The following DGKD variants were observed in gnomAD, a reference collection of about 807,000 sequenced individuals.
DGKD encodes the protein DAG kinase delta.
DGKD carries 68 observed loss-of-function variants against 154.4 expected under a neutral mutation model. The observed-to-expected ratio is 0.44, with a 90% CI of 0.36 to 0.54. The LOEUF (loss-of-function observed/expected upper bound fraction) is 0.54, where lower values mean the gene tolerates loss of function less well. Among genes scored for constraint, DGKD ranks in the 20% least tolerant of loss-of-function variants. The pLI is 0.00. For missense variants in DGKD, 1,343 were observed against 1,593.6 expected (o/e 0.84, Z 2.68); for synonymous variants, 693 against 638.0 (o/e 1.09, Z -1.30).
chr2:233,460,832 C>A (rs945660238), intron 24 of DGKD, among the ~76,000 whole-genome samples: 1 of 152,038 alleles, frequency 6.6e-6, no homozygotes, highest in Admixed American at 6.5e-5. Context: ...GCGGAGGTTG[C>A]AGTGAGCCGA....
intron 3 of DGKD, among the ~76,000 whole-genome samples, chr2:233,393,686 T>G (rs1703796998): frequency 1.5e-5 from 2 of 137,040 alleles, no homozygotes; most frequent in South Asian, 4.8e-4. Context: ...TGTATTGGTT[T>G]TTTTTTTTTT....
At chr2:233,468,620 C>G in intron 29 of DGKD, 67 bp downstream of exon 29, 1 of 1,599,218 alleles carries the variant, frequency 6.3e-7, no homozygotes, top group Non-Finnish European at 8.5e-7. Flanking sequence ...CTCTTCCATC[C>G]TCTCCCCCGA....
At chr2:233,385,398 CT>C (rs1703119088) in intron 1 of DGKD, among the ~76,000 whole-genome samples, 1 of 152,126 alleles carries the variant, frequency 6.6e-6, no homozygotes, top group Non-Finnish European at 1.5e-5. Flanking sequence ...CGCGTGTTCA[CT>C]TTCCACCTGC....
intron 8 of DGKD, 57 bp downstream of exon 8, chr2:233,437,536 G>C: frequency 6.6e-7 from 1 of 1,511,676 alleles, no homozygotes; most frequent in South Asian, 1.1e-5. Flanking sequence ...CCTTCTCCAC[G>C]CACTTTCTCT....
intron 24 of DGKD, among the ~76,000 whole-genome samples, chr2:233,461,018 T>TAAAAAAA (rs750014036): frequency 7.3e-6 from 1 of 137,568 alleles, no homozygotes; most frequent in Admixed American, 7.2e-5. Flanking sequence ...AAGTTTACTT[T>TAAAAAAA]AAAAAAAAAA....
intron 1 of DGKD, among the ~76,000 whole-genome samples, chr2:233,368,131 T>C (rs1574984094): frequency 6.6e-6 from 1 of 152,284 alleles, no homozygotes; most frequent in South Asian, 2.1e-4. Flanking sequence ...GCAATTTTAT[T>C]ATAAGAGTTT....
intron 3 of DGKD, among the ~76,000 whole-genome samples, chr2:233,394,509 G>T (rs1336373987): frequency 6.6e-6 from 1 of 151,970 alleles, no homozygotes; most frequent in Non-Finnish European, 1.5e-5. Context: ...CTCCCAAAGT[G>T]CTGGGATTAA....
At chr2:233,397,022 G>A (rs1479409691) in intron 3 of DGKD, among the ~76,000 whole-genome samples, 1 of 65,068 alleles carries the variant, frequency 1.5e-5, no homozygotes, top group East Asian at 5.7e-4. Flanking sequence ...TGGCTGGGGG[G>A]GGGGGCGCCA....
At chr2:233,363,735 C>T (rs576121287) in intron 1 of DGKD, among the ~76,000 whole-genome samples, 57 of 152,284 alleles carry the variant, frequency 3.7e-4, no homozygotes, top group Admixed American at 2.8e-3. Context: ...TTTTACTGTA[C>T]TGTTTCTATG....
rs541718093 is a variant in DGKD at position 233,454,742 on chromosome 2, A to C, written c.2265-21A>C. 5.4e-6 allele frequency: 8 copies of C among 1,475,128 alleles called. No homozygotes were observed. In the South Asian group the frequency reaches 6.8e-5, roughly 13 times the overall value. The allele number at this position is 1,475,128 out of a possible 1,614,324, so 91.4% of individuals were successfully genotyped here. On this transcript the variant is annotated intron_variant, in intron 18 of 29. Transcript: ENST00000264057. ...CTGCTCAGCAGGGCTGTTGTAATTG[A>C]TTTAAAACTCACCTTTGCAGAGAGT...
chr2:233,395,308 C>T (rs535606553), intron 3 of DGKD, among the ~76,000 whole-genome samples: 1 of 152,242 alleles, frequency 6.6e-6, no homozygotes, highest in African/African-American at 2.4e-5. Flanking sequence ...GTAGCTGGGA[C>T]TCCAGGCACA....
At chr2:233,451,120 G>T in intron 17 of DGKD, 70 bp downstream of exon 17, 2 of 1,475,570 alleles carry the variant, frequency 1.4e-6, no homozygotes, top group South Asian at 2.5e-5. Flanking sequence ...AACTGAAAGA[G>T]ATGGGCTCGC....
chr2:233,463,783 G>A (rs2971856), intron 26 of DGKD: 88,161 of 254,592 alleles, frequency 0.35, 18,462 homozygotes, highest in African/African-American at 0.63. Flanking sequence ...GGTCACACGC[G>A]TGTCCTCACT....
intron 3 of DGKD, chr2:233,419,532 TC>T: frequency 1.3e-6 from 1 of 774,354 alleles, no homozygotes; most frequent in Non-Finnish European, 1.6e-6. Context: ...TGTAAGATGC[TC>T]CAGAGGGTTG....
chr2:233,435,205 C>A (rs2062648742), intron 5 of DGKD, among the ~76,000 whole-genome samples: 1 of 152,220 alleles, frequency 6.6e-6, no homozygotes, highest in Non-Finnish European at 1.5e-5. Flanking sequence ...CTGTGTCTCA[C>A]ACTCTGCAGC....
intron 3 of DGKD, among the ~76,000 whole-genome samples, chr2:233,432,218 C>T (rs1403834424): frequency 7.1e-5 from 7 of 98,314 alleles, no homozygotes; most frequent in East Asian, 2.6e-4. Flanking sequence ...GGTGAAACCT[C>T]GTCTCTATTA....
intron 1 of DGKD, among the ~76,000 whole-genome samples, chr2:233,384,834 A>C (rs1309733120): frequency 6.6e-6 from 1 of 152,078 alleles, no homozygotes; most frequent in Non-Finnish European, 1.5e-5. Flanking sequence ...CTCTGTCTGT[A>C]GCCCCAGGGA....
intron 1 of DGKD, among the ~76,000 whole-genome samples, chr2:233,375,902 C>T (rs1206672222): frequency 6.6e-6 from 1 of 152,194 alleles, no homozygotes. Flanking sequence ...AAGTATCCCT[C>T]TGATGGAGCA....
rs1159216056 is a variant in DGKD at position 233,459,145 on chromosome 2, G to A, written c.2695-612G>A. Among the ~76,000 whole-genome samples, 2 of 152,196 alleles carry A rather than the reference G, an allele frequency of 1.3e-5. No individual in the cohort carries two copies. The highest frequency in any genetic ancestry group is 4.8e-5 in the African/African-American group (2 of 41,460). ...CCCATGGCTTATTTCTGACAGCAGC[G>A]ATGGGCTGAGGGCAGTCTTTCTGTG... On this transcript the variant is annotated intron_variant, in intron 22 of 29. Coordinates refer to ENST00000264057, the MANE Select transcript of DGKD (RefSeq NM_152879.3). This position sits in a 1 kb window ranked among gnomAD's most constrained non-coding sequence, Gnocchi z 5.7.
Sources: allele counts gnomAD v4.1 joint callset (sites outside exome capture counted in the v4.1 genomes callset), GRCh38; gene constraint gnomAD v4.1.1; non-coding constraint Gnocchi (gnomAD v3.1); transcripts MANE v1.5; gene names NCBI Gene and HGNC (gene_info 2026-07-23, HGNC 2026-07-21).